PSTPIP2: variants seen among roughly 807,000 people sequenced by gnomAD.
PSTPIP2 encodes proline-serine-threonine phosphatase interacting protein 2.
PSTPIP2 carries 33 observed loss-of-function variants against 63.3 expected under a neutral mutation model. The ratio of observed to expected loss-of-function variants is 0.52; its 90% confidence interval spans 0.40 to 0.70. The LOEUF (loss-of-function observed/expected upper bound fraction) is 0.70. Ranked by LOEUF, PSTPIP2 falls within the 30% of genes least tolerant of loss-of-function variation. The pLI is 0.00. For missense variants in PSTPIP2, 312 were observed against 400.7 expected (o/e 0.78, Z 1.89); for synonymous variants, 125 against 132.7 (o/e 0.94, Z 0.40).
At chr18:46,057,333 CT>C (rs1187275590) in intron 1 of PSTPIP2, among the ~76,000 whole-genome samples, 55 of 145,656 alleles carry the variant, frequency 3.8e-4, no homozygotes, top group African/African-American at 3.0e-4. Context: ...TTTTCTTTTT[CT>C]TTTTTTTTTT....
At chr18:45,995,129 T>C (rs530650378) in intron 9 of PSTPIP2, among the ~76,000 whole-genome samples, 1 of 152,306 alleles carries the variant, frequency 6.6e-6, no homozygotes, top group South Asian at 2.1e-4. Context: ...TTTTGTTTTG[T>C]TTTGAGACAG....
intron 2 of PSTPIP2, among the ~76,000 whole-genome samples, chr18:46,025,290 T>C (rs1269412231): frequency 6.6e-6 from 1 of 152,110 alleles, no homozygotes; most frequent in Non-Finnish European, 1.5e-5. Context: ...ACTTTTTTCT[T>C]CAGATTTAAA....
chr18:46,040,343 C>T (rs1908147582), intron 1 of PSTPIP2: 1 of 275,246 alleles, frequency 3.6e-6, no homozygotes, highest in East Asian at 8.9e-5. Flanking sequence ...GTCAGGGTCA[C>T]AAGATGTTTG....
chr18:46,025,656 T>A lies in PSTPIP2; in HGVS notation c.135-970A>T, dbSNP rs554019566. 1.3e-4 allele frequency among the ~76,000 whole-genome samples: 20 copies of A among 149,818 alleles called. 1 individual carries two copies. The South Asian group carries it at 4.2e-3, about 31-fold the overall frequency. On this transcript the variant is annotated intron_variant, in intron 2 of 14. Transcript: ENST00000409746. Reference sequence around the variant, plus strand: ...GAGTTCTCTGTAGTACAAAGTCTCCTGAGTTATTTCCAGTTTTCACTACCA... The same window carrying A: ...GAGTTCTCTGTAGTACAAAGTCTCCAGAGTTATTTCCAGTTTTCACTACCA...
intron 1 of PSTPIP2, chr18:46,040,992 A>G (rs1305669665): frequency 2.2e-6 from 1 of 457,262 alleles, no homozygotes; most frequent in African/African-American, 2.0e-5. Context: ...GGACCATGTA[A>G]CCTGGTGCTA....
At chr18:45,995,555 A>G (rs1162226908) in intron 9 of PSTPIP2, among the ~76,000 whole-genome samples, 2 of 152,174 alleles carry the variant, frequency 1.3e-5, no homozygotes, top group Admixed American at 1.3e-4. Flanking sequence ...GTTTTAGGAG[A>G]AGCATAATAA....
At position 46,005,020 on chromosome 18, in the gene PSTPIP2, T is replaced by G. The variant is rs138858833; in HGVS notation, c.417+449A>C. On this transcript the variant is annotated intron_variant, in intron 6 of 14. Transcript: ENST00000409746. ...GTGGTACATATACACCATGGAATAC[T>G]ATGCAACCATAAAAAAGAATGAAAT... Among the ~76,000 whole-genome samples, 1,119 of 152,328 alleles carry G rather than the reference T, an allele frequency of 7.3e-3. 13 individuals are homozygous for G. Among genetic ancestry groups the G allele is most frequent in the African/African-American group, 0.026 (1,073 of 41,570 alleles).
At chr18:46,009,207 C>A (rs571678695) in intron 5 of PSTPIP2, among the ~76,000 whole-genome samples, 1 of 151,982 alleles carries the variant, frequency 6.6e-6, no homozygotes, top group Non-Finnish European at 1.5e-5. Flanking sequence ...AGGACCTGCA[C>A]CTCTTGTGCC....
intron 8 of PSTPIP2, among the ~76,000 whole-genome samples, chr18:45,998,054 C>T (rs1308575752): frequency 2.0e-5 from 3 of 152,176 alleles, no homozygotes; most frequent in East Asian, 1.9e-4. Context: ...TTGGACCTAA[C>T]ATTGAGAAAG....
intron 13 of PSTPIP2, chr18:45,990,040 T>C (rs1289188211): frequency 6.6e-6 from 1 of 152,206 alleles, no homozygotes; most frequent in Non-Finnish European, 1.5e-5. Context: ...TAGTGAAAGG[T>C]CTCATTAAAG....
intron 8 of PSTPIP2, among the ~76,000 whole-genome samples, chr18:45,998,221 A>C (rs1224695635): frequency 6.6e-6 from 1 of 152,216 alleles, no homozygotes; most frequent in Non-Finnish European, 1.5e-5. Flanking sequence ...AGGGGCACCA[A>C]GTTACTTTAG....
intron 1 of PSTPIP2, among the ~76,000 whole-genome samples, chr18:46,043,547 C>T (rs1346279671): frequency 6.6e-6 from 1 of 152,176 alleles, no homozygotes; most frequent in Non-Finnish European, 1.5e-5. Context: ...CCTCAGCTAA[C>T]AGCCTATTTA....
At chr18:46,068,508 C>G (rs947772590) in intron 1 of PSTPIP2, among the ~76,000 whole-genome samples, 3 of 151,906 alleles carry the variant, frequency 2.0e-5, no homozygotes, top group Non-Finnish European at 4.4e-5. Context: ...CTGTGTTAGC[C>G]GAGATGGTCT....
Position 45,984,158 on chromosome 18 carries a change from A to G in PSTPIP2, c.*1301T>C, listed in dbSNP as rs1411318903. On this transcript the variant is annotated 3_prime_UTR_variant, in exon 15 of 15. Transcript: ENST00000409746. The stretch of plus-strand genomic sequence containing the variant: ...GAGAGACTCTGTCTCAAAAAAAAGA[A>G]AAAAAGATGAGGAAATAATCAATCT... 1 of 152,198 alleles carries G rather than the reference A, an allele frequency of 6.6e-6. No homozygotes were observed. The highest frequency in any genetic ancestry group is 1.5e-5 in the Non-Finnish European group (1 of 68,064). 9.4% of individuals were successfully genotyped at this position (152,198 alleles called of 1,614,324 possible). A position where few individuals can be genotyped will look rare whatever the true frequency, so the allele number is the denominator to read the frequency against.
chr18:46,033,260 C>T (rs543726532), intron 2 of PSTPIP2, among the ~76,000 whole-genome samples: 7 of 152,302 alleles, frequency 4.6e-5, no homozygotes, highest in South Asian at 2.1e-4. Context: ...GTGTTCCTCC[C>T]GCAAAATAGG....
Position 45,992,134 on chromosome 18 carries a change from A to T in PSTPIP2, c.810T>A (p.Asn270Lys). ...GTGGAATCTGTCCAGTTTTGCGTTGATTCACAAAGTATTCAATGTCCCTCT... is the reference window on the plus strand; with the variant it reads ...GTGGAATCTGTCCAGTTTTGCGTTGTTTCACAAAGTATTCAATGTCCCTCT... ...SIQRDIEYFV[N>K]QRKTGQIPPA... Residue 270 changes from asparagine to lysine, a missense_variant, in exon 11 of 15, where the codon AAT becomes AAA. Asn to Lys is a moderately conservative substitution (Grantham distance 94). Transcript: ENST00000409746. 6.2e-7 allele frequency: 1 copy of T among 1,609,026 alleles called. No homozygotes were observed. The highest frequency in any genetic ancestry group is 1.7e-5 in the Admixed American group (1 of 59,082).
At chr18:45,999,984 C>A (rs1212918768) in intron 6 of PSTPIP2, among the ~76,000 whole-genome samples, 2 of 152,028 alleles carry the variant, frequency 1.3e-5, no homozygotes, top group East Asian at 3.9e-4. Context: ...ACAAAAAACA[C>A]AAAACTTAGC....
At chr18:45,991,014 T>C (rs1382231794) in intron 12 of PSTPIP2, among the ~76,000 whole-genome samples, 1 of 152,084 alleles carries the variant, frequency 6.6e-6, no homozygotes, top group African/African-American at 2.4e-5. Flanking sequence ...ACTGGCAGGA[T>C]TAAAATCTTA....
At chr18:46,032,754 CAAAAAAAA>C (rs762015034) in intron 2 of PSTPIP2, among the ~76,000 whole-genome samples, 12 of 50,190 alleles carry the variant, frequency 2.4e-4, no homozygotes, top group Admixed American at 4.5e-4. Context: ...AACTCTGTGT[CAAAAAAAA>C]AAAAAAAAAA....
Sources: gnomAD v4.1 joint callset for allele counts (sites outside exome capture counted in the v4.1 genomes callset) on GRCh38, gnomAD v4.1.1 for gene constraint, MANE v1.5 for transcripts, NCBI Gene and HGNC (gene_info 2026-07-23, HGNC 2026-07-21) for gene names.